CNTN3: variants seen among roughly 807,000 people sequenced by gnomAD.
The protein encoded by CNTN3 is contactin 3.
A neutral mutation model predicts 119.1 loss-of-function variants in CNTN3; 60 were observed. The ratio of observed to expected loss-of-function variants is 0.50; its 90% CI spans 0.41 to 0.62. The LOEUF (loss-of-function observed/expected upper bound fraction) is 0.62. Ranked by LOEUF, CNTN3 falls within the 20% of genes least tolerant of loss-of-function variation. The pLI, the probability that CNTN3 is intolerant of heterozygous loss-of-function variation, is 0.00. For synonymous variants in CNTN3, 450 were observed against 438.7 expected (o/e 1.03, Z -0.32); for missense variants, 1,101 against 1,242.4 (o/e 0.89, Z 1.71).
chr3:74,502,530 G>A (rs1703183706), intron 2 of CNTN3, among the ~76,000 whole-genome samples: 1 of 152,090 alleles, frequency 6.6e-6, no homozygotes, highest in South Asian at 2.1e-4. Context: ...CATGAACTAT[G>A]TGCCAGGCAC....
At chr3:74,422,414 G>A (rs530471532) in intron 5 of CNTN3, among the ~76,000 whole-genome samples, 4 of 152,204 alleles carry the variant, frequency 2.6e-5, no homozygotes, top group East Asian at 1.9e-4. Context: ...CATCCCAACC[G>A]AGTGTTTTAA....
chr3:74,358,949 T>G (rs1397483980), intron 11 of CNTN3, among the ~76,000 whole-genome samples: 1 of 152,088 alleles, frequency 6.6e-6, no homozygotes, highest in Non-Finnish European at 1.5e-5. Flanking sequence ...CTCATCATTT[T>G]TTATGGCTGC....
At chr3:74,331,649 T>A (rs1375875590) in intron 13 of CNTN3, among the ~76,000 whole-genome samples, 1 of 152,188 alleles carries the variant, frequency 6.6e-6, no homozygotes, top group East Asian at 1.9e-4. Context: ...ATCGTGCCTA[T>A]GATTGAACTT....
rs754772737 is a variant in CNTN3, at chr3:74,499,718, T to C, written c.123A>G (p.Ser41=). 14 of 1,611,774 alleles carry C rather than the reference T, an allele frequency of 8.7e-6. No individual in the cohort carries two copies. In the South Asian group the frequency reaches 1.4e-4, roughly 16 times the overall value. Residue 41 remains serine (S), a synonymous_variant, in exon 3 of 23, where the codon TCA becomes TCG. Transcript: ENST00000263665. The stretch of plus-strand genomic sequence containing the variant: ...AATGCAAAGTTATTTTTTTATCTTC[T>C]GAACCAACAGGGAAAATGCTGTTGC... ...EPSNSIFPVG[S]EDKKITLHCE...
intron 20 of CNTN3, among the ~76,000 whole-genome samples, chr3:74,283,034 T>A (rs2106777112): frequency 6.6e-6 from 1 of 152,234 alleles, no homozygotes. Context: ...CCCATCAAAC[T>A]AAAGCTCCAT....
intron 2 of CNTN3, among the ~76,000 whole-genome samples, chr3:74,508,293 G>C (rs1249880911): frequency 1.3e-5 from 2 of 152,118 alleles, no homozygotes; most frequent in Non-Finnish European, 2.9e-5. Flanking sequence ...TGCCATGATT[G>C]TAAGTTTCCT....
chr3:74,301,446 C>T lies in CNTN3; in HGVS notation c.2047G>A (p.Gly683Ser), dbSNP rs1229525873. ...TCTGAGGGTAAACTTGGTTCTCCAC[C>T]TCCAATTTTGTTACTGGCTACAACC... The part of the protein sequence containing the change: ...FRVVASNKIG[G>S]GEPSLPSEKV... The change falls in exon 16 of 23, where the codon GGT becomes AGT. Residue 683 changes from glycine to serine, a missense_variant. Transcript: ENST00000263665. The T allele has an allele frequency of 6.2e-7, 1 of 1,614,118 alleles. No individual in the cohort carries two copies. The highest frequency in any genetic ancestry group is 1.7e-5 in the Admixed American group (1 of 60,004).
intron 11 of CNTN3, among the ~76,000 whole-genome samples, chr3:74,343,882 G>T (rs529069599): frequency 6.7e-4 from 101 of 151,850 alleles, no homozygotes; most frequent in Non-Finnish European, 1.0e-3. Context: ...ACTGCGCTTT[G>T]AGAGAAAATG....
intron 3 of CNTN3, among the ~76,000 whole-genome samples, chr3:74,492,948 G>A (rs1430784560): frequency 2.0e-5 from 3 of 151,932 alleles, no homozygotes; most frequent in African/African-American, 7.3e-5. Context: ...TACATGACAG[G>A]GACTAATAGA....
intron 5 of CNTN3, among the ~76,000 whole-genome samples, chr3:74,395,770 T>A (rs371093815): frequency 5.9e-5 from 9 of 152,154 alleles, no homozygotes; most frequent in Admixed American, 5.9e-4. Context: ...GTGTGTGTGT[T>A]TTTTTAAATT....
At chr3:74,391,940 G>A (rs1371867937) in intron 5 of CNTN3, among the ~76,000 whole-genome samples, 1 of 152,132 alleles carries the variant, frequency 6.6e-6, no homozygotes, top group African/African-American at 2.4e-5. Flanking sequence ...TTACAGGTGT[G>A]AGCCACAGCA....
chr3:74,601,527 A>G (rs1481989254), intron 1 of CNTN3, among the ~76,000 whole-genome samples: 2 of 152,160 alleles, frequency 1.3e-5, no homozygotes, highest in African/African-American at 2.4e-5. Context: ...CATAAGCAAT[A>G]AAGTGACAGT....
intron 2 of CNTN3, among the ~76,000 whole-genome samples, chr3:74,500,899 C>G (rs1281175635): frequency 6.6e-6 from 1 of 152,068 alleles, no homozygotes; most frequent in Non-Finnish European, 1.5e-5. Context: ...TTATTCCCAA[C>G]AGAAGACAAA....
At chr3:74,534,797 T>C (rs564425364) in intron 1 of CNTN3, among the ~76,000 whole-genome samples, 5 of 152,128 alleles carry the variant, frequency 3.3e-5, no homozygotes, top group East Asian at 1.9e-4. Flanking sequence ...AGTTATTAGA[T>C]TGGTGCAAAA....
chr3:74,432,427 T>C (rs905122026), intron 4 of CNTN3, among the ~76,000 whole-genome samples: 4 of 152,012 alleles, frequency 2.6e-5, no homozygotes, highest in Non-Finnish European at 5.9e-5. Flanking sequence ...CATAATGTTT[T>C]ACAAAAGTTT....
chr3:74,356,030 A>T (rs1008207626), intron 11 of CNTN3, among the ~76,000 whole-genome samples: 1 of 151,976 alleles, frequency 6.6e-6, no homozygotes, highest in Non-Finnish European at 1.5e-5. Flanking sequence ...CCTCATGCTC[A>T]TTGTGATGGT....
At chr3:74,381,212 T>C (rs1408525962) in intron 5 of CNTN3, among the ~76,000 whole-genome samples, 3 of 152,068 alleles carry the variant, frequency 2.0e-5, no homozygotes, top group Non-Finnish European at 2.9e-5. Context: ...AAAGGAATCT[T>C]TTATTTTTTC....
chr3:74,501,778 G>A (rs1363898233), intron 2 of CNTN3, among the ~76,000 whole-genome samples: 4 of 76,854 alleles, frequency 5.2e-5, no homozygotes. Context: ...TCTATCAGGG[G>A]AAATTGCCAA....
chr3:74,297,483 A>G (rs1257415083), intron 18 of CNTN3, among the ~76,000 whole-genome samples: 1 of 152,140 alleles, frequency 6.6e-6, no homozygotes, highest in Non-Finnish European at 1.5e-5. Context: ...TGGAGTGGAA[A>G]GAGGAAGGGT....
Sources: gnomAD v4.1 joint callset for allele counts (sites outside exome capture counted in the v4.1 genomes callset) on GRCh38, gnomAD v4.1.1 for gene constraint, MANE v1.5 for transcripts, NCBI Gene and HGNC (gene_info 2026-07-23, HGNC 2026-07-21) for gene names.